SGCZ: variants seen among roughly 807,000 people sequenced by gnomAD.
The protein encoded by SGCZ is sarcoglycan zeta.
SGCZ carries 40 observed loss-of-function variants against 41.3 expected under a neutral mutation model. That is an observed-to-expected ratio of 0.97 (90% CI 0.75 to 1.26). The LOEUF (loss-of-function observed/expected upper bound fraction) is 1.26, where lower values mean the gene tolerates loss of function less well. Ranked by LOEUF, SGCZ falls within the 50% of genes most tolerant of loss-of-function variation. The pLI, the probability that SGCZ is intolerant of heterozygous loss-of-function variation, is 0.00. For missense variants in SGCZ, 552 were observed against 369.8 expected (o/e 1.49, Z -4.04); for synonymous variants, 206 against 137.5 (o/e 1.50, Z -3.49).
intron 1 of SGCZ, among the ~76,000 whole-genome samples, chr8:15,096,056 T>C (rs1806333734): frequency 6.6e-6 from 1 of 152,036 alleles, no homozygotes; most frequent in Non-Finnish European, 1.5e-5. Flanking sequence ...ATACGAGAAG[T>C]AGTTTCTTTT....
chr8:14,092,885 G>T (rs1218501964), intron 7 of SGCZ, among the ~76,000 whole-genome samples: 1 of 150,984 alleles, frequency 6.6e-6, no homozygotes, highest in African/African-American at 2.4e-5. Context: ...TATAATTATT[G>T]TCTATAATTA....
chr8:15,062,921 G>A (rs924651431), intron 1 of SGCZ, among the ~76,000 whole-genome samples: 7 of 151,888 alleles, frequency 4.6e-5, no homozygotes, highest in Non-Finnish European at 1.0e-4. Flanking sequence ...ATAGACCTAA[G>A]CTAACAAAGT....
At chr8:14,363,855 G>A (rs908608222) in intron 2 of SGCZ, among the ~76,000 whole-genome samples, 5 of 152,122 alleles carry the variant, frequency 3.3e-5, no homozygotes, top group Non-Finnish European at 7.4e-5. Context: ...CATGTTGACA[G>A]ATTTATTTCC....
At chr8:14,520,102 A>C (rs1022417394) in intron 2 of SGCZ, among the ~76,000 whole-genome samples, 2 of 152,180 alleles carry the variant, frequency 1.3e-5, no homozygotes, top group Non-Finnish European at 2.9e-5. Flanking sequence ...AGCTATAGTC[A>C]GCTTGATTTA....
intron 1 of SGCZ, among the ~76,000 whole-genome samples, chr8:14,934,680 G>C (rs1234556689): frequency 6.6e-6 from 1 of 151,464 alleles, no homozygotes; most frequent in East Asian, 1.9e-4. Context: ...AATGTTAAGG[G>C]ATAATAATAA....
intron 1 of SGCZ, among the ~76,000 whole-genome samples, chr8:14,841,579 T>C (rs1397853122): frequency 1.3e-5 from 2 of 152,182 alleles, no homozygotes; most frequent in African/African-American, 2.4e-5. Flanking sequence ...ATACATTTTA[T>C]ACCAGATGAG....
intron 1 of SGCZ, among the ~76,000 whole-genome samples, chr8:14,921,428 C>T (rs958144544): frequency 9.9e-5 from 15 of 151,922 alleles, no homozygotes; most frequent in African/African-American, 3.6e-4. Context: ...CCCTATCTAT[C>T]AAGTTGTAAA....
At position 14,450,135 on chromosome 8, in the gene SGCZ, G is replaced by A. The variant is rs531583783; in HGVS notation, c.234+104597C>T. ...TCTGCCAATCCTTTTAGACAGAGAT[G>A]CCATCGTGAATGTCCCATAAGGCCA... is the stretch of plus-strand genomic sequence containing the variant. On this transcript the variant is annotated intron_variant, in intron 2 of 7. Coordinates refer to ENST00000382080, the MANE Select transcript of SGCZ (RefSeq NM_139167.4). 1.3e-4 allele frequency among the ~76,000 whole-genome samples: 20 copies of A among 152,268 alleles called. 1 individual carries two copies. Among genetic ancestry groups the A allele is most frequent in the African/African-American group, 4.8e-4 (20 of 41,560 alleles).
In SGCZ at chr8:14,554,047, G is replaced by A. The variant is rs893546561; in HGVS notation, c.234+685C>T. Among the ~76,000 whole-genome samples the A allele has an allele frequency of 5.3e-5, 8 of 152,190 alleles. No individual in the cohort carries two copies. In the East Asian group the frequency reaches 1.6e-3, roughly 30 times the overall value. Reference sequence around the variant, plus strand: ...GAAGCCACAAAATTTTCCCAGATAAGTCATGCTCATAGATTTATTATAAAC... The same window carrying A: ...GAAGCCACAAAATTTTCCCAGATAAATCATGCTCATAGATTTATTATAAAC... On this transcript the variant is annotated intron_variant, in intron 2 of 7. Coordinates refer to ENST00000382080, the MANE Select transcript of SGCZ (RefSeq NM_139167.4).
chr8:14,513,723 C>T (rs934582356), intron 2 of SGCZ, among the ~76,000 whole-genome samples: 1 of 152,076 alleles, frequency 6.6e-6, no homozygotes, highest in African/African-American at 2.4e-5. Context: ...GAAAACTCCC[C>T]TTCAGAAATA....
intron 4 of SGCZ, among the ~76,000 whole-genome samples, chr8:14,198,033 AT>A (rs1805323774): frequency 6.6e-6 from 1 of 152,204 alleles, no homozygotes; most frequent in Non-Finnish European, 1.5e-5. Flanking sequence ...TAAACTTAAT[AT>A]TTTTATAGCA....
chr8:14,227,997 G>A (rs973432534), intron 4 of SGCZ, among the ~76,000 whole-genome samples: 2 of 151,638 alleles, frequency 1.3e-5, no homozygotes, highest in Non-Finnish European at 2.9e-5. Context: ...ATCTGGGCTT[G>A]GGTGCCACCT....
At chr8:14,573,506 T>C (rs940616693) in intron 1 of SGCZ, among the ~76,000 whole-genome samples, 1 of 152,110 alleles carries the variant, frequency 6.6e-6, no homozygotes, top group Non-Finnish European at 1.5e-5. Flanking sequence ...TTTTTTATTC[T>C]ATTAAACACA....
At chr8:14,740,181 A>C (rs976250380) in intron 1 of SGCZ, among the ~76,000 whole-genome samples, 1 of 152,038 alleles carries the variant, frequency 6.6e-6, no homozygotes, top group Non-Finnish European at 1.5e-5. Context: ...TGACTTTAAT[A>C]CATCTCCTGG....
intron 1 of SGCZ, among the ~76,000 whole-genome samples, chr8:14,692,560 A>AT (rs1808832576): frequency 2.0e-5 from 3 of 152,150 alleles, no homozygotes; most frequent in African/African-American, 7.2e-5. Flanking sequence ...GTCCAGGCAT[A>AT]TTTTCCTCTG....
intron 2 of SGCZ, among the ~76,000 whole-genome samples, chr8:14,432,665 G>A (rs552861008): frequency 6.6e-6 from 1 of 152,226 alleles, no homozygotes; most frequent in Admixed American, 6.5e-5. Context: ...TGTAATCCCA[G>A]CACTTTGGGA....
In SGCZ at chr8:15,087,101, G is replaced by A. The variant is rs138104471; in HGVS notation, c.39+150484C>T. 4.1e-4 allele frequency among the ~76,000 whole-genome samples: 63 copies of A among 152,028 alleles called. 1 individual carries two copies. Among genetic ancestry groups the A allele is most frequent in the African/African-American group, 1.2e-3 (48 of 41,508 alleles). On this transcript the variant is annotated intron_variant, in intron 1 of 7. Transcript: ENST00000382080. ...ATTAAGTAAATCACATACCCTCTCC[G>A]TACTTTTGTTACCCTGTCCCTAAAA... is the stretch of plus-strand genomic sequence containing the variant.
intron 1 of SGCZ, among the ~76,000 whole-genome samples, chr8:14,940,414 C>A (rs748439214): frequency 2.6e-5 from 4 of 151,988 alleles, no homozygotes; most frequent in Admixed American, 6.6e-5. Context: ...TGATTAGATG[C>A]TATATTTACA....
chr8:14,250,836 A>C (rs940795460), intron 3 of SGCZ, among the ~76,000 whole-genome samples: 1 of 152,108 alleles, frequency 6.6e-6, no homozygotes, highest in East Asian at 1.9e-4. Context: ...TCCCTGTCTT[A>C]AGTTGGCTCC....
Sources: allele counts gnomAD v4.1 joint callset (sites outside exome capture counted in the v4.1 genomes callset), GRCh38; gene constraint gnomAD v4.1.1; transcripts MANE v1.5; gene names NCBI Gene and HGNC (gene_info 2026-07-23, HGNC 2026-07-21).